KAT2B: variants seen among roughly 807,000 people sequenced by gnomAD.
The protein encoded by KAT2B is histone acetyltransferase KAT2B.
KAT2B carries 36 observed loss-of-function variants against 105.9 expected under a neutral mutation model. That is an observed-to-expected ratio of 0.34 (90% confidence interval 0.26 to 0.45). The LOEUF (loss-of-function observed/expected upper bound fraction) is 0.45, where lower values mean the gene tolerates loss of function less well. KAT2B is among the 20% of genes least tolerant of loss of function. The pLI is 1.00. For missense variants in KAT2B, 820 were observed against 1,021.6 expected (o/e 0.80, Z 2.69); for synonymous variants, 397 against 377.9 (o/e 1.05, Z -0.59).
chr3:20,133,033 A>T (rs1024301395), intron 11 of KAT2B, among the ~76,000 whole-genome samples: 15 of 152,190 alleles, frequency 9.9e-5, no homozygotes, highest in Non-Finnish European at 5.9e-5. Flanking sequence ...AGTTAAAAAA[A>T]TTTTTTTAGA....
At chr3:20,050,775 C>G (rs1697901981) in intron 1 of KAT2B, among the ~76,000 whole-genome samples, 1 of 150,540 alleles carries the variant, frequency 6.6e-6, no homozygotes, top group African/African-American at 2.4e-5. Flanking sequence ...ATGATCTCGG[C>G]TCACTGCAGG....
chr3:20,066,618 C>T (rs544970897), intron 1 of KAT2B, among the ~76,000 whole-genome samples: 215 of 151,862 alleles, frequency 1.4e-3, no homozygotes, highest in African/African-American at 4.3e-3. Context: ...AGGCTGGTCT[C>T]GAACTCCTGA....
intron 11 of KAT2B, among the ~76,000 whole-genome samples, chr3:20,134,118 T>C (rs189000352): frequency 6.6e-6 from 1 of 152,362 alleles, no homozygotes; most frequent in East Asian, 1.9e-4. Flanking sequence ...GTATTCTACT[T>C]AATAATCAGT....
chr3:20,111,888 A>G, intron 6 of KAT2B, 101 bp downstream of exon 6: 1 of 925,168 alleles, frequency 1.1e-6, no homozygotes, highest in Non-Finnish European at 1.6e-6. Flanking sequence ...AAATGACAGA[A>G]GAAACATTCC....
intron 1 of KAT2B, among the ~76,000 whole-genome samples, chr3:20,058,688 T>C (rs1698044739): frequency 6.6e-6 from 1 of 152,150 alleles, no homozygotes; most frequent in Admixed American, 6.6e-5. Context: ...TGGTATCTTC[T>C]GCTGGCCTTC....
chr3:20,128,998 A>G (rs996251484), intron 11 of KAT2B, among the ~76,000 whole-genome samples: 2 of 126,746 alleles, frequency 1.6e-5, no homozygotes, highest in African/African-American at 5.9e-5. Context: ...TGAGAGCGAA[A>G]CTCCATCTCA....
At chr3:20,106,546 GATT>G (rs1204501661) in intron 5 of KAT2B, among the ~76,000 whole-genome samples, 1 of 151,954 alleles carries the variant, frequency 6.6e-6, no homozygotes. Flanking sequence ...TACAAAATAA[GATT>G]AATCTTGGAA....
chr3:20,089,222 G>A (rs990427828), intron 2 of KAT2B, among the ~76,000 whole-genome samples: 2 of 152,056 alleles, frequency 1.3e-5, no homozygotes, highest in African/African-American at 4.8e-5. Context: ...GTCTTATGTA[G>A]TTCTGTACAG....
At chr3:20,126,317 T>C (rs1009317939) in intron 10 of KAT2B, among the ~76,000 whole-genome samples, 25 of 152,320 alleles carry the variant, frequency 1.6e-4, no homozygotes, top group African/African-American at 5.3e-4. Context: ...TTGTTAATGA[T>C]GATGAAACTT....
chr3:20,051,361 C>G (rs1168622835), intron 1 of KAT2B, among the ~76,000 whole-genome samples: 1 of 152,144 alleles, frequency 6.6e-6, no homozygotes, highest in Non-Finnish European at 1.5e-5. Flanking sequence ...GCCTGCATAG[C>G]TCCTTCTCCC....
rs1341487428 is a variant in KAT2B at position 20,062,470 on chromosome 3, A to ATC, written c.304-9862_304-9861insCT. 2.9e-5 allele frequency among the ~76,000 whole-genome samples: 4 copies of ATC among 136,372 alleles called. No homozygotes were observed. The East Asian group carries it at 6.0e-4, about 20-fold the overall frequency. 89.5% of individuals were successfully genotyped at this position (136,372 alleles called of 152,430 possible). On this transcript the variant is annotated intron_variant, in intron 1 of 17. Transcript: ENST00000263754. ...AAATTATATATATTTTATTTTATAT[A>ATC]TATATATATTAGAGGTAGTTTTGCT...
intron 13 of KAT2B, among the ~76,000 whole-genome samples, chr3:20,142,476 T>TC (rs1186964375): frequency 1.3e-5 from 2 of 152,188 alleles, no homozygotes; most frequent in Non-Finnish European, 2.9e-5. Flanking sequence ...AGGTAGGGAT[T>TC]CATGGTGGCA....
At chr3:20,123,397 A>G (rs1161382589) in intron 9 of KAT2B, among the ~76,000 whole-genome samples, 1 of 152,216 alleles carries the variant, frequency 6.6e-6, no homozygotes, top group East Asian at 1.9e-4. Flanking sequence ...GGTGAATTAC[A>G]GCCTGCAAGC....
chr3:20,103,492 C>G (rs186620620), intron 5 of KAT2B, among the ~76,000 whole-genome samples: 2 of 152,120 alleles, frequency 1.3e-5, no homozygotes, highest in Non-Finnish European at 2.9e-5. Context: ...TCACTGTAGC[C>G]TCAACCTCCT....
intron 1 of KAT2B, among the ~76,000 whole-genome samples, chr3:20,070,740 G>A (rs1698307812): frequency 6.6e-6 from 1 of 151,760 alleles, no homozygotes; most frequent in African/African-American, 2.4e-5. Context: ...TGGTCACGGT[G>A]GCGCACGCCT....
chr3:20,045,460 C>T (rs935418627), intron 1 of KAT2B, among the ~76,000 whole-genome samples: 1 of 152,036 alleles, frequency 6.6e-6, no homozygotes, highest in East Asian at 1.9e-4. Flanking sequence ...AGGTGATCCT[C>T]CCACCTCAGC....
At chr3:20,072,238 C>G (rs1698337043) in intron 1 of KAT2B, 95 bp from the exon 2 acceptor site, 1 of 1,269,964 alleles carries the variant, frequency 7.9e-7, no homozygotes, top group Non-Finnish European at 1.1e-6. Flanking sequence ...GAGGGGATAG[C>G]TGTCATATAA....
In KAT2B at chr3:20,114,950, C is replaced by T. The variant is rs1699180185; in HGVS notation, c.1112C>T (p.Ser371Leu). ...NSPIWDQDFL[S>L]ASSRTSQLGI... ...CCCATCTGGGATCAGGATTTTCTCT[C>T]AGCCTCTTCCAGAACCAGCCAGCTA... The change falls in exon 7 of 18, where the codon TCA becomes TTA. Residue 371 changes from serine to leucine, a missense_variant. This residue lies in a region of KAT2B where 225 missense variants were observed against 268.1 expected (regional missense o/e 0.84). Coordinates refer to ENST00000263754, the MANE Select transcript of KAT2B (RefSeq NM_003884.5). 1 of 1,612,748 alleles carries T rather than the reference C, an allele frequency of 6.2e-7. No individual in the cohort carries two copies. The highest frequency in any genetic ancestry group is 8.5e-7 in the Non-Finnish European group (1 of 1,178,884).
chr3:20,106,974 T>A (rs1323964247), intron 5 of KAT2B, among the ~76,000 whole-genome samples: 1 of 12,876 alleles, frequency 7.8e-5, no homozygotes, highest in Admixed American at 1.0e-3. Context: ...TATATATATA[T>A]ATATGTATAT....
Sources: allele counts gnomAD v4.1 joint callset (sites outside exome capture counted in the v4.1 genomes callset), GRCh38; gene constraint gnomAD v4.1.1; regional missense constraint gnomAD v4.1.1; transcripts MANE v1.5; gene names NCBI Gene and HGNC (gene_info 2026-07-23, HGNC 2026-07-21).